MEGF9: variants seen among roughly 807,000 people sequenced by gnomAD.
MEGF9 encodes multiple EGF like domains 9.
In MEGF9, 6 loss-of-function variants were observed where a neutral mutation model predicts 46.8. The ratio of observed to expected loss-of-function variants is 0.13; its 90% CI spans 0.07 to 0.25. The LOEUF (loss-of-function observed/expected upper bound fraction) is 0.25. Ranked by LOEUF, MEGF9 falls within the 10% of genes least tolerant of loss-of-function variation. MEGF9 has a pLI of 1.00. For missense variants in MEGF9, 683 were observed against 792.4 expected (o/e 0.86, Z 1.66); for synonymous variants, 302 against 330.7 (o/e 0.91, Z 0.94).
chr9:120,696,432 A>T (rs1381089740), intron 1 of MEGF9, among the ~76,000 whole-genome samples: 1 of 152,188 alleles, frequency 6.6e-6, no homozygotes. Flanking sequence ...TCAAACTCTC[A>T]AAACCTCAAT....
intron 1 of MEGF9, among the ~76,000 whole-genome samples, chr9:120,712,550 A>C (rs970658136): frequency 2.0e-5 from 3 of 152,238 alleles, no homozygotes; most frequent in African/African-American, 7.2e-5. Context: ...CATTCCTTGA[A>C]GCTGGAAGAG....
intron 2 of MEGF9, among the ~76,000 whole-genome samples, chr9:120,636,799 G>A (rs1015249719): frequency 3.3e-4 from 50 of 151,342 alleles, no homozygotes; most frequent in African/African-American, 1.1e-3. Flanking sequence ...CCCGGCAGCC[G>A]CCCCGTCTGG....
chr9:120,688,980 T>C lies in MEGF9; in HGVS notation c.601+24778A>G, dbSNP rs1006858236. On this transcript the variant is annotated intron_variant, in intron 1 of 5. Transcript: ENST00000373930. ...GGTTCAATCATCAACAAACTAGTGT[T>C]GTGCCAGAAATACAGACTACAATTT... Among the ~76,000 whole-genome samples the C allele has an allele frequency of 3.9e-5, 6 of 152,322 alleles. 1 individual carries two copies. The South Asian group carries it at 1.2e-3, about 32-fold the overall frequency.
At chr9:120,674,466 A>G (rs185115279) in intron 1 of MEGF9, among the ~76,000 whole-genome samples, 3 of 152,348 alleles carry the variant, frequency 2.0e-5, no homozygotes, top group African/African-American at 7.2e-5. Context: ...GCAAATTTCA[A>G]AAAACTGTCA....
intron 2 of MEGF9, among the ~76,000 whole-genome samples, chr9:120,649,433 G>A (rs949607145): frequency 6.6e-6 from 1 of 152,134 alleles, no homozygotes. Flanking sequence ...CAAAAGATGT[G>A]CATGTCAGGC....
intron 1 of MEGF9, among the ~76,000 whole-genome samples, chr9:120,712,136 T>C (rs2043956964): frequency 6.6e-6 from 1 of 152,102 alleles, no homozygotes; most frequent in South Asian, 2.1e-4. Flanking sequence ...CCCACGCCTG[T>C]AGTCTCAGCT....
At chr9:120,628,326 C>T (rs942517281) in intron 2 of MEGF9, among the ~76,000 whole-genome samples, 2 of 151,876 alleles carry the variant, frequency 1.3e-5, no homozygotes, top group Non-Finnish European at 2.9e-5. Context: ...ATGCAATAAG[C>T]GAGGCTTCTG....
At chr9:120,690,572 T>G (rs1381698610) in intron 1 of MEGF9, among the ~76,000 whole-genome samples, 4 of 152,188 alleles carry the variant, frequency 2.6e-5, no homozygotes, top group African/African-American at 9.6e-5. Flanking sequence ...AGTACATTCC[T>G]AACCAGGTCT....
chr9:120,696,402 T>C (rs112807484), intron 1 of MEGF9, among the ~76,000 whole-genome samples: 2,963 of 152,266 alleles, frequency 0.019, 109 homozygotes, highest in African/African-American at 0.069. Context: ...GTACTAGCTA[T>C]GAAACCCTGC....
intron 1 of MEGF9, among the ~76,000 whole-genome samples, chr9:120,683,844 T>C (rs1181370546): frequency 2.6e-5 from 4 of 151,828 alleles, no homozygotes; most frequent in Non-Finnish European, 5.9e-5. Context: ...CAGTGAGCCA[T>C]GATCATATCA....
intron 2 of MEGF9, among the ~76,000 whole-genome samples, chr9:120,638,184 G>A (rs922063323): frequency 6.6e-6 from 1 of 152,070 alleles, no homozygotes; most frequent in Non-Finnish European, 1.5e-5. Flanking sequence ...TAGAAACAGG[G>A]TCTCACTATG....
At chr9:120,622,417 C>CTTTTTTT (rs59380409) in intron 3 of MEGF9, among the ~76,000 whole-genome samples, 199 bp downstream of exon 3, 1,931 of 101,054 alleles carry the variant, frequency 0.019, 88 homozygotes, top group Middle Eastern at 0.047. Context: ...AGGTATATGA[C>CTTTTTTT]TTTTTTTTTT....
intron 1 of MEGF9, among the ~76,000 whole-genome samples, chr9:120,677,596 C>T (rs2043778876): frequency 1.3e-5 from 2 of 152,146 alleles, no homozygotes; most frequent in Admixed American, 1.3e-4. Context: ...CTGTTCAAAG[C>T]CAAAGACACA....
chr9:120,686,443 G>A (rs1050012183), intron 1 of MEGF9, among the ~76,000 whole-genome samples: 2 of 152,192 alleles, frequency 1.3e-5, no homozygotes, highest in East Asian at 3.8e-4. Flanking sequence ...CTGGAAATCT[G>A]TTTCACAACA....
chr9:120,682,757 A>AT (rs2132333700), intron 1 of MEGF9, among the ~76,000 whole-genome samples: 2 of 152,148 alleles, frequency 1.3e-5, no homozygotes, highest in African/African-American at 2.4e-5. Context: ...TAATGTTTTT[A>AT]TTTTTTGTAG....
chr9:120,646,727 C>T (rs2043627920), intron 2 of MEGF9, among the ~76,000 whole-genome samples: 1 of 152,106 alleles, frequency 6.6e-6, no homozygotes, highest in African/African-American at 2.4e-5. Context: ...AGACTAGAAG[C>T]TCCTTTTGAA....
chr9:120,640,906 T>C (rs1350204799), intron 2 of MEGF9, among the ~76,000 whole-genome samples: 2 of 143,312 alleles, frequency 1.4e-5, no homozygotes, highest in African/African-American at 2.5e-5. Flanking sequence ...CCCATCTTTA[T>C]GTCCATGTGT....
chr9:120,640,557 T>C (rs1323333373), intron 2 of MEGF9, among the ~76,000 whole-genome samples: 2 of 152,110 alleles, frequency 1.3e-5, no homozygotes, highest in African/African-American at 4.8e-5. Context: ...GTGATAGGCA[T>C]GCAAACTTTG....
chr9:120,682,050 A>T (rs2043800886), intron 1 of MEGF9, among the ~76,000 whole-genome samples: 2 of 152,220 alleles, frequency 1.3e-5, no homozygotes, highest in African/African-American at 4.8e-5. Context: ...AAGCAACAAC[A>T]ACAAAAAACA....
Sources: allele counts gnomAD v4.1 joint callset (sites outside exome capture counted in the v4.1 genomes callset), GRCh38; gene constraint gnomAD v4.1.1; transcripts MANE v1.5; gene names NCBI Gene and HGNC (gene_info 2026-07-23, HGNC 2026-07-21).